The following HCRTR2 variants were observed in gnomAD, a reference collection of about 807,000 sequenced individuals.
The protein encoded by HCRTR2 is orexin receptor type 2.
A neutral mutation model predicts 49.0 loss-of-function variants in HCRTR2; 22 were observed. That is an observed-to-expected ratio of 0.45 (90% CI 0.32 to 0.64). The LOEUF (loss-of-function observed/expected upper bound fraction) is 0.64, where lower values mean the gene tolerates loss of function less well. Ranked by LOEUF, HCRTR2 falls within the 30% of genes least tolerant of loss-of-function variation. The pLI is 0.04. For missense variants in HCRTR2, 491 were observed against 559.4 expected (o/e 0.88, Z 1.23); for synonymous variants, 236 against 205.3 (o/e 1.15, Z -1.28).
intron 1 of HCRTR2, among the ~76,000 whole-genome samples, chr6:55,246,338 T>G (rs1766442978): frequency 6.6e-6 from 1 of 152,060 alleles, no homozygotes; most frequent in Admixed American, 6.6e-5. Flanking sequence ...ATTAGGATCT[T>G]GTAAGCAGAA....
intron 1 of HCRTR2, among the ~76,000 whole-genome samples, chr6:55,206,818 A>G (rs1030751373): frequency 4.6e-5 from 7 of 152,230 alleles, no homozygotes; most frequent in African/African-American, 1.7e-4. Flanking sequence ...TCACATCAAA[A>G]AAGGCAAAAT....
chr6:55,149,365 T>C (rs1347726377), intron 1 of HCRTR2, among the ~76,000 whole-genome samples: 4 of 152,080 alleles, frequency 2.6e-5, no homozygotes, highest in Non-Finnish European at 4.4e-5. Flanking sequence ...GGATTTTCTC[T>C]GAGACAGTGC....
chr6:55,109,852 A>T (rs1581776954), intron 1 of HCRTR2, among the ~76,000 whole-genome samples: 1 of 152,176 alleles, frequency 6.6e-6, no homozygotes, highest in Non-Finnish European at 1.5e-5. Context: ...AAACATTCGA[A>T]TACAAGAAGC....
chr6:55,152,525 G>A (rs181114681), intron 1 of HCRTR2, among the ~76,000 whole-genome samples: 19 of 151,984 alleles, frequency 1.3e-4, no homozygotes, highest in Non-Finnish European at 2.2e-4. Context: ...AGTTTGGGCT[G>A]CTTTAACAAA....
At chr6:55,136,420 G>A (rs1764434776) in intron 1 of HCRTR2, among the ~76,000 whole-genome samples, 1 of 152,106 alleles carries the variant, frequency 6.6e-6, no homozygotes, top group South Asian at 2.1e-4. Flanking sequence ...TACTTTGTCT[G>A]TGGAGTAGAA....
chr6:55,147,526 G>A (rs1764611333), intron 1 of HCRTR2, among the ~76,000 whole-genome samples: 1 of 152,044 alleles, frequency 6.6e-6, no homozygotes, highest in Admixed American at 6.6e-5. Flanking sequence ...TAAGGGTATT[G>A]AAACAGACAC....
At chr6:55,116,208 T>C (rs1764113900) in intron 1 of HCRTR2, among the ~76,000 whole-genome samples, 1 of 151,670 alleles carries the variant, frequency 6.6e-6, no homozygotes. Flanking sequence ...GTTCTTTTAT[T>C]TATAAGAAAT....
chr6:55,271,875 T>C lies in HCRTR2; in HGVS notation c.763-5505T>C, dbSNP rs147564745. Among the ~76,000 whole-genome samples, 210 of 152,232 alleles carry C rather than the reference T, an allele frequency of 1.4e-3. 1 individual carries two copies. Among genetic ancestry groups the C allele is most frequent in the Non-Finnish European group, 2.3e-3 (153 of 67,968 alleles). ...TTTAAAAGGCTGTAATCATTATTGG[T>C]AAGGATGTGGAGTAATTGGAATCCT... is the stretch of plus-strand genomic sequence containing the variant. On this transcript the variant is annotated intron_variant, in intron 4 of 6. Transcript: ENST00000370862.
chr6:55,185,473 A>T (rs1459011658), intron 1 of HCRTR2, among the ~76,000 whole-genome samples: 2 of 152,348 alleles, frequency 1.3e-5, no homozygotes, highest in Admixed American at 1.3e-4. Context: ...AAAGGGGGAG[A>T]ATAAAAATTT....
chr6:55,284,077 T>C (rs190816017), downstream of HCRTR2, among the ~76,000 whole-genome samples: 89 of 152,310 alleles, frequency 5.8e-4, no homozygotes, highest in Non-Finnish European at 1.1e-3. Flanking sequence ...AATTTTCGGA[T>C]CGTGATGACA....
rs182964204 is a variant in HCRTR2, at chr6:55,192,961, C to T, written c.223+18151C>T. Among the ~76,000 whole-genome samples the T allele has an allele frequency of 2.0e-4, 31 of 152,226 alleles. No individual in the cohort carries two copies. The South Asian group carries it at 3.5e-3, about 17-fold the overall frequency. Reference sequence around the variant, plus strand: ...GGGACTGACTCCTTTGGAAGCTCAGCGATAACCATTTTCAGAGAGAATATG... The same window carrying T: ...GGGACTGACTCCTTTGGAAGCTCAGTGATAACCATTTTCAGAGAGAATATG... On this transcript the variant is annotated intron_variant, in intron 1 of 6. Transcript: ENST00000370862.
chr6:55,192,821 G>A (rs2127279446), intron 1 of HCRTR2, among the ~76,000 whole-genome samples: 1 of 152,196 alleles, frequency 6.6e-6, no homozygotes, highest in Middle Eastern at 3.4e-3. Flanking sequence ...CCATTTTTCT[G>A]CTAAATGTTA....
intron 3 of HCRTR2, among the ~76,000 whole-genome samples, chr6:55,256,077 T>C (rs77580147): frequency 0.073 from 11,056 of 152,214 alleles, 655 homozygotes; most frequent in African/African-American, 0.17. Context: ...GAGGTTTTTG[T>C]GTAACAGTGA....
intron 1 of HCRTR2, among the ~76,000 whole-genome samples, chr6:55,156,269 T>C (rs1049240718): frequency 1.8e-4 from 28 of 151,928 alleles, no homozygotes; most frequent in Admixed American, 1.6e-3. Context: ...CTAATTACAT[T>C]TTCCAACTGC....
At chr6:55,163,392 T>G (rs1277002310) in intron 1 of HCRTR2, among the ~76,000 whole-genome samples, 2 of 152,158 alleles carry the variant, frequency 1.3e-5, no homozygotes, top group Non-Finnish European at 2.9e-5. Context: ...AAGGCTACAG[T>G]AACCAAAACA....
chr6:55,241,829 A>T (rs1766337881), intron 1 of HCRTR2, among the ~76,000 whole-genome samples: 2 of 144,018 alleles, frequency 1.4e-5, no homozygotes, highest in Admixed American at 1.4e-4. Flanking sequence ...AGTGTGTTTC[A>T]CATTTTGTAG....
chr6:55,262,108 T>C (rs1209839736), intron 3 of HCRTR2, among the ~76,000 whole-genome samples: 1 of 151,576 alleles, frequency 6.6e-6, no homozygotes, highest in Non-Finnish European at 1.5e-5. Context: ...CTTCAGGTAC[T>C]CAGGGGAAAG....
chr6:55,260,591 A>G (rs1483840753), intron 3 of HCRTR2, among the ~76,000 whole-genome samples: 1 of 152,126 alleles, frequency 6.6e-6, no homozygotes, highest in African/African-American at 2.4e-5. Flanking sequence ...TAGACCTGCC[A>G]ACACATGCAT....
chr6:55,258,526 T>G (rs1052213894), intron 3 of HCRTR2, among the ~76,000 whole-genome samples: 9 of 152,166 alleles, frequency 5.9e-5, no homozygotes, highest in African/African-American at 2.2e-4. Context: ...TTATTGCCTA[T>G]TACTTCTTCA....
Sources: gnomAD v4.1 joint callset for allele counts (sites outside exome capture counted in the v4.1 genomes callset) on GRCh38, gnomAD v4.1.1 for gene constraint, MANE v1.5 for transcripts, NCBI Gene and HGNC (gene_info 2026-07-23, HGNC 2026-07-21) for gene names.